Variants in RUFY3 observed in about 807,000 individuals in gnomAD.
RUFY3 encodes RUN and FYVE domain containing 3.
RUFY3 carries 34 observed loss-of-function variants against 84.0 expected under a neutral mutation model. That is an observed-to-expected ratio of 0.40 (90% CI 0.31 to 0.54). The LOEUF is 0.54. RUFY3 is among the 20% of genes least tolerant of loss of function. RUFY3 has a pLI of 0.39. For synonymous variants in RUFY3, 242 were observed against 252.9 expected (o/e 0.96, Z 0.41); for missense variants, 507 against 736.8 (o/e 0.69, Z 3.61).
At position 70,793,790 on chromosome 4, in the gene RUFY3, G is replaced by A. The variant is rs372273317; in HGVS notation, c.1343G>A (p.Arg448His). ...TTCATGTGGCTCACATCCAGATTGC[G>A]CCAGGCTGAGCGAAGCCGCCAATCT... ...ATIKQLEQRL[R>H]QAERSRQSAE... Residue 448 changes from arginine (R) to histidine (H), a missense_variant, in exon 13 of 18, where the codon CGC becomes CAC. This residue lies in a region of RUFY3 where 334 missense variants were observed against 364.1 expected (regional missense o/e 0.92). Coordinates refer to ENST00000381006, the MANE Select transcript of RUFY3 (RefSeq NM_001037442.4). 6.3e-5 allele frequency: 101 copies of A among 1,613,720 alleles called. No homozygotes were observed. Among genetic ancestry groups the A allele is most frequent in the Non-Finnish European group, 8.1e-5 (95 of 1,179,964 alleles).
chr4:70,802,073 T>C (rs1732300056), intron 15 of RUFY3, among the ~76,000 whole-genome samples: 1 of 152,212 alleles, frequency 6.6e-6, no homozygotes, highest in Non-Finnish European at 1.5e-5. Context: ...AATGCAACTT[T>C]ACAGATGAGA....
intron 14 of RUFY3, among the ~76,000 whole-genome samples, chr4:70,795,519 A>G (rs1263416896): frequency 6.6e-6 from 1 of 152,250 alleles, no homozygotes; most frequent in Non-Finnish European, 1.5e-5. Context: ...GGCCCAGGAA[A>G]TAATGAAATC....
At chr4:70,792,423 A>G (rs762400271) in intron 12 of RUFY3, 12 of 983,902 alleles carry the variant, frequency 1.2e-5, no homozygotes, top group Non-Finnish European at 1.4e-5. Flanking sequence ...TCCACAAGCA[A>G]TATTAGCAGG....
intron 1 of RUFY3, among the ~76,000 whole-genome samples, chr4:70,753,437 A>G (rs1041185816): frequency 2.6e-5 from 4 of 152,166 alleles, no homozygotes; most frequent in Non-Finnish European, 5.9e-5. Context: ...TTCTACTTAT[A>G]TACATGTATG....
In RUFY3 at chr4:70,808,601, A is replaced by G. The variant is rs73827010; in HGVS notation, c.*1942A>G. Among the ~76,000 whole-genome samples, 4,104 of 152,216 alleles carry G rather than the reference A, an allele frequency of 0.027. 78 individuals carry two copies. Among genetic ancestry groups the G allele is most frequent in the Middle Eastern group, 0.054 (16 of 294 alleles). On this transcript the variant is annotated 3_prime_UTR_variant, in exon 18 of 18. Transcript: ENST00000381006. ...TTTAAGAGTTCTGGGGAAAAATAAA[A>G]TCTAGTAATTCCAGCCTAGTTTGTT...
chr4:70,705,727 G>A (rs1038485921), intron 1 of RUFY3, among the ~76,000 whole-genome samples: 4 of 152,162 alleles, frequency 2.6e-5, no homozygotes, highest in African/African-American at 9.7e-5. Context: ...AGACCCCGTG[G>A]CCCCTCTGAC....
At chr4:70,750,956 A>G (rs1723042970) in intron 1 of RUFY3, among the ~76,000 whole-genome samples, 2 of 152,192 alleles carry the variant, frequency 1.3e-5, no homozygotes, top group Non-Finnish European at 1.5e-5. Context: ...TTGTATGGGC[A>G]TATCATATTT....
chr4:70,763,020 G>A (rs985554188), intron 2 of RUFY3, among the ~76,000 whole-genome samples: 1 of 152,214 alleles, frequency 6.6e-6, no homozygotes, highest in African/African-American at 2.4e-5. Flanking sequence ...TTGTGGCAGA[G>A]TAGGTGCTAG....
chr4:70,705,264 GGCGGCGGCA>G, exon 1 of RUFY3: 1 of 1,440,792 alleles, frequency 6.9e-7, no homozygotes, highest in Non-Finnish European at 9.1e-7. Context: ...CCCGAGCGGC[GGCGGCGGCA>G]GCAGCGGCAG....
chr4:70,706,743 T>A (rs1740379575), intron 1 of RUFY3, among the ~76,000 whole-genome samples: 1 of 152,204 alleles, frequency 6.6e-6, no homozygotes, highest in Admixed American at 6.5e-5. Flanking sequence ...CCATAGTTTG[T>A]GTGTTGGAGT....
intron 1 of RUFY3, among the ~76,000 whole-genome samples, chr4:70,706,163 G>A (rs796749969): frequency 1.4e-4 from 21 of 152,226 alleles, no homozygotes; most frequent in African/African-American, 4.6e-4. Context: ...TCAAATACAA[G>A]CTCTTACAGT....
chr4:70,800,043 C>T (rs1214755356), intron 14 of RUFY3, 98 bp from the exon 15 acceptor site: 3 of 1,135,500 alleles, frequency 2.6e-6, no homozygotes, highest in Non-Finnish European at 3.8e-6. Context: ...AGCTACTTAG[C>T]TTTATACCCA....
chr4:70,789,802 T>TA, intron 12 of RUFY3: 23 of 1,202,418 alleles, frequency 1.9e-5, no homozygotes, highest in East Asian at 8.8e-5. Flanking sequence ...TGACTAGCCT[T>TA]TAAAAAAAAA....
intron 1 of RUFY3, among the ~76,000 whole-genome samples, chr4:70,733,347 G>A (rs984483335): frequency 2.0e-5 from 3 of 152,020 alleles, no homozygotes; most frequent in Non-Finnish European, 4.4e-5. Flanking sequence ...TTAATAATAC[G>A]TAGTATTGAT....
rs112676249 is a variant in RUFY3 at position 70,771,521 on chromosome 4, G to A, written c.697-1990G>A. Among the ~76,000 whole-genome samples the A allele has an allele frequency of 5.8e-3, 877 of 152,122 alleles. 14 individuals are homozygous for A. The highest frequency in any genetic ancestry group is 0.02 in the African/African-American group (850 of 41,490). On this transcript the variant is annotated intron_variant, in intron 5 of 17. Transcript: ENST00000381006. ...ACACATATTTTGTATATTATAAATA[G>A]TTATATTTATATTTATTTTATTTTA...
At chr4:70,762,346 G>C (rs539070427) in intron 1 of RUFY3, among the ~76,000 whole-genome samples, 173 bp from the exon 2 acceptor site, 1 of 152,228 alleles carries the variant, frequency 6.6e-6, no homozygotes, top group South Asian at 2.1e-4. Flanking sequence ...ACTACTCAAG[G>C]CTTGAGATTT....
intron 1 of RUFY3, among the ~76,000 whole-genome samples, chr4:70,716,021 G>A (rs750639606): frequency 2.4e-4 from 37 of 152,094 alleles, no homozygotes; most frequent in Non-Finnish European, 4.6e-4. Flanking sequence ...GGCTGAGGCA[G>A]GAGAATCACT....
At chr4:70,787,184 AAAAAT>A (rs1318653030) in intron 10 of RUFY3, among the ~76,000 whole-genome samples, 1 of 126,004 alleles carries the variant, frequency 7.9e-6, no homozygotes, top group African/African-American at 3.3e-5. Context: ...AAAAAAAAAA[AAAAAT>A]ATATATATAT....
intron 1 of RUFY3, among the ~76,000 whole-genome samples, chr4:70,743,533 A>C (rs1721665353): frequency 1.3e-5 from 2 of 152,268 alleles, no homozygotes; most frequent in South Asian, 4.1e-4. Context: ...TTTAATACAA[A>C]GTATTAATAA....
Sources: allele counts gnomAD v4.1 joint callset (sites outside exome capture counted in the v4.1 genomes callset), GRCh38; gene constraint gnomAD v4.1.1; regional missense constraint gnomAD v4.1.1; transcripts MANE v1.5; gene names NCBI Gene and HGNC (gene_info 2026-07-23, HGNC 2026-07-21).